Variants in ZNF687 observed in about 807,000 individuals in gnomAD.
ZNF687 encodes zinc finger protein 687.
ZNF687 carries 13 observed loss-of-function variants against 71.8 expected under a neutral mutation model. That is an observed-to-expected ratio of 0.18 (90% CI 0.12 to 0.29). ZNF687 has a LOEUF of 0.29. Ranked by LOEUF, ZNF687 falls within the 10% of genes least tolerant of loss-of-function variation. The probability of loss-of-function intolerance (pLI) is 1.00; values close to 1 mark genes in which losing one functional copy is unlikely to be tolerated. For missense variants in ZNF687, 1,412 were observed against 1,625.6 expected (o/e 0.87, Z 2.26); for synonymous variants, 673 against 641.6 (o/e 1.05, Z -0.74).
intron 3 of ZNF687, 30 bp downstream of exon 3, chr1:151,288,736 T>C (rs1474256828): frequency 1.3e-6 from 2 of 1,587,958 alleles, no homozygotes; most frequent in Non-Finnish European, 8.6e-7. Flanking sequence ...CATAGAACTG[T>C]AGGGTTTCGT....
chr1:151,288,307 C>T lies in ZNF687; in HGVS notation c.2016C>T (p.Cys672=). 1 of 1,613,070 alleles carries T rather than the reference C, an allele frequency of 6.2e-7. No individual in the cohort carries two copies. The highest frequency in any genetic ancestry group is 8.5e-7 in the Non-Finnish European group (1 of 1,179,996). Residue 672 remains cysteine, a synonymous_variant, in exon 2 of 9, where the codon TGC becomes TGT. Coordinates refer to ENST00000336715, the MANE Select transcript of ZNF687 (RefSeq NM_020832.3). ...CCCCGGCCACCTCTGCTTACACATGCTTTCGCTGCCTGGAGTGCAAGGAAC... is the reference window on the plus strand; with the variant it reads ...CCCCGGCCACCTCTGCTTACACATGTTTTCGCTGCCTGGAGTGCAAGGAAC... The part of the protein sequence containing the change: ...PAAPATSAYT[C]FRCLECKEQC...
Position 151,288,726 on chromosome 1 carries a change from C to G in ZNF687, c.2294+20C>G. The stretch of plus-strand genomic sequence containing the variant: ...ATACAGGTGCCTCGGACCCTTCCTC[C>G]ATAGAACTGTAGGGTTTCGTGTGTC... On this transcript the variant is annotated intron_variant, in intron 3 of 8. Coordinates refer to ENST00000336715, the MANE Select transcript of ZNF687 (RefSeq NM_020832.3). 6.3e-7 allele frequency: 1 copy of G among 1,599,830 alleles called. No individual in the cohort carries two copies. The highest frequency in any genetic ancestry group is 1.3e-5 in the African/African-American group (1 of 74,724).
chr1:151,283,208 C>A, intron 1 of ZNF687: 1 of 985,474 alleles, frequency 1.0e-6, no homozygotes, highest in South Asian at 4.7e-5. Flanking sequence ...CCGCGCCAGC[C>A]CTCGGCAGAT....
rs767945198 is a variant in ZNF687 at position 151,287,755 on chromosome 1, A to C, written c.1464A>C (p.Thr488=). The change falls in exon 2 of 9, where the codon ACA becomes ACC. Residue 488 remains threonine, a synonymous_variant. Transcript: ENST00000336715. This position sits in a 1 kb window ranked among gnomAD's most constrained non-coding sequence, Gnocchi z 5.0. ...TATGPSTGGG[T]VISRTQSSLV... ...CTGGGCCAAGTACAGGGGGCGGCAC[A>C]GTGATATCACGGACCCAGTCCAGCC... 6.2e-6 allele frequency: 10 copies of C among 1,614,018 alleles called. No homozygotes were observed. In the African/African-American group the frequency reaches 1.2e-4, roughly 19 times the overall value.
chr1:151,291,169 C>T lies in ZNF687; in HGVS notation c.3674C>T (p.Ala1225Val), dbSNP rs1557776351. The change falls in exon 9 of 9, where the codon GCG becomes GTG. Residue 1225 changes from alanine to valine, a missense_variant. Physicochemically the swap from Ala to Val is moderately conservative, Grantham distance 64. Coordinates refer to ENST00000336715, the MANE Select transcript of ZNF687 (RefSeq NM_020832.3). ...ACCCACTTCCGCACGCATGGCATGG[C>T]GTTCATCAGGGCTCGGCAGGGGGCT... Reference protein sequence around the residue: ...LKTHFRTHGMAFIRARQGAVG... With the variant: ...LKTHFRTHGMVFIRARQGAVG... The T allele has an allele frequency of 1.9e-6, 3 of 1,612,832 alleles. No homozygotes were observed. The highest frequency in any genetic ancestry group is 2.5e-6 in the Non-Finnish European group (3 of 1,179,874).
In ZNF687 at chr1:151,290,569, C is replaced by G. The variant is rs139287742; in HGVS notation, c.3215C>G (p.Ala1072Gly). The change falls in exon 8 of 9, where the codon GCC becomes GGC. Residue 1072 changes from alanine (A) to glycine (G), a missense_variant. By Grantham distance (60) the Ala-to-Gly change is moderately conservative. Transcript: ENST00000336715. ...TTLARGSSAR[A>G]QGPGRKRRQS... ...TTGGCTCGGGGTTCCAGTGCCAGAG[C>G]CCAGGTAGGCAGAGGCCCGGCCTGC... The G allele has an allele frequency of 4.3e-6, 7 of 1,612,682 alleles. No homozygotes were observed. In the African/African-American group the frequency reaches 8.0e-5, roughly 18 times the overall value.
In ZNF687 at chr1:151,291,099, T is replaced by C; in HGVS notation, c.3604T>C (p.Cys1202Arg). The C allele has an allele frequency of 6.2e-7, 1 of 1,613,584 alleles. No individual in the cohort carries two copies. The highest frequency in any genetic ancestry group is 8.5e-7 in the Non-Finnish European group (1 of 1,180,002). The change falls in exon 9 of 9, where the codon TGT (cysteine) becomes CGT (arginine). Residue 1202 changes from cysteine to arginine, a missense_variant. Physicochemically the swap from Cys to Arg is radical, Grantham distance 180 (BLOSUM62 -3). Around this residue, in one of 8 missense-constraint regions of ZNF687, gnomAD observed 284 missense variants for 359.2 expected, o/e 0.79. Transcript: ENST00000336715. ...PLPASGGPLT[C>R]KVCGKSCDSP... ...GCCTGCTTCTGGAGGCCCACTGACC[T>C]GTAAGGTCTGTGGCAAGAGCTGCGA... is the stretch of plus-strand genomic sequence containing the variant.
chr1:151,287,953 T>C lies in ZNF687; in HGVS notation c.1662T>C (p.Arg554=). The change falls in exon 2 of 9, where the codon CGT becomes CGC. Residue 554 remains arginine (R), a synonymous_variant. Coordinates refer to ENST00000336715, the MANE Select transcript of ZNF687 (RefSeq NM_020832.3). This position sits in a 1 kb window ranked among gnomAD's most constrained non-coding sequence, Gnocchi z 5.0. ...AGAGCCTGGCACGGCACTATGACCGTCGGAGCATGCGCATCGAGGTCACCT... is the reference window on the plus strand; with the variant it reads ...AGAGCCTGGCACGGCACTATGACCGCCGGAGCATGCGCATCGAGGTCACCT... ...LEKSLARHYD[R]RSMRIEVTCN... 6.2e-7 allele frequency: 1 copy of C among 1,613,682 alleles called. No individual in the cohort carries two copies. The highest frequency in any genetic ancestry group is 1.7e-5 in the Admixed American group (1 of 60,004).
At position 151,287,261 on chromosome 1, in the gene ZNF687, T is replaced by A; in HGVS notation, c.970T>A (p.Ser324Thr). Reference sequence around the variant, plus strand: ...CAGCAATGACTCCCCTGCCTCCAGCTCCTCTAGGCCTCTTAAGGTGCGGAT... The same window carrying A: ...CAGCAATGACTCCCCTGCCTCCAGCACCTCTAGGCCTCTTAAGGTGCGGAT... The part of the protein sequence containing the change: ...EDSNDSPASS[S>T]SRPLKVRIKT... The change falls in exon 2 of 9, where the codon TCC (serine) becomes ACC (threonine). Residue 324 changes from serine to threonine, a missense_variant. Around this residue, in one of 8 missense-constraint regions of ZNF687, gnomAD observed 490 missense variants for 489.9 expected, o/e 1.00. Transcript: ENST00000336715. The surrounding 1 kb of genome is among the most constrained non-coding windows in gnomAD (Gnocchi z 5.0). The A allele has an allele frequency of 6.2e-7, 1 of 1,614,122 alleles. No homozygotes were observed. The highest frequency in any genetic ancestry group is 1.3e-5 in the African/African-American group (1 of 74,998).
In ZNF687 at chr1:151,288,658, C is replaced by T. The variant is rs1694059802; in HGVS notation, c.2246C>T (p.Thr749Ile). Residue 749 changes from threonine (T) to isoleucine (I), a missense_variant, in exon 3 of 9, where the codon ACC becomes ATC. Physicochemically the swap from Thr to Ile is moderately conservative, Grantham distance 89. This residue lies in a region of ZNF687 where 207 missense variants were observed against 239.2 expected (regional missense o/e 0.87). Coordinates refer to ENST00000336715, the MANE Select transcript of ZNF687 (RefSeq NM_020832.3). ...GGNFLQANFQ[T>I]HLREACLHVS... ...AACTTCCTGCAAGCCAATTTTCAGA[C>T]CCATCTCCGGGAGGCCTGTCTGCAC... is the stretch of plus-strand genomic sequence containing the variant. The T allele has an allele frequency of 6.2e-7, 1 of 1,614,120 alleles. No homozygotes were observed. Among genetic ancestry groups the T allele is most frequent in the Non-Finnish European group, 8.5e-7 (1 of 1,179,980 alleles).
chr1:151,283,455 G>C, intron 1 of ZNF687: 2 of 356,848 alleles, frequency 5.6e-6, no homozygotes, highest in Non-Finnish European at 7.8e-6. Flanking sequence ...TCGCAGGAAG[G>C]CCTGATCCTC....
chr1:151,287,412 C>T lies in ZNF687; in HGVS notation c.1121C>T (p.Ser374Phe). The T allele has an allele frequency of 6.2e-7, 1 of 1,614,176 alleles. No homozygotes were observed. The highest frequency in any genetic ancestry group is 8.5e-7 in the Non-Finnish European group (1 of 1,180,042). ...GCTGAGGCTAGCCTCTTGAAGCTGT[C>T]CCCTGCAACACCTACTTCTGAGGGT... ...FLAEASLLKL[S>F]PATPTSEGPK... Residue 374 changes from serine to phenylalanine, a missense_variant, in exon 2 of 9, where the codon TCC (serine) becomes TTC (phenylalanine). Around this residue, in one of 8 missense-constraint regions of ZNF687, gnomAD observed 490 missense variants for 489.9 expected, o/e 1.00. Transcript: ENST00000336715. The surrounding 1 kb of genome is among the most constrained non-coding windows in gnomAD (Gnocchi z 5.0).
chr1:151,282,186 G>T (rs1280073234), upstream of ZNF687: 32 of 1,097,138 alleles, frequency 2.9e-5, no homozygotes, highest in East Asian at 7.6e-5. Context: ...GGCTGGAAGG[G>T]GCACAGGGCT....
Position 151,291,114 on chromosome 1 carries a change from A to G in ZNF687, c.3619A>G (p.Lys1207Glu), listed in dbSNP as rs1193908653. 1.2e-6 allele frequency: 2 copies of G among 1,613,268 alleles called. No individual in the cohort carries two copies. The highest frequency in any genetic ancestry group is 1.7e-6 in the Non-Finnish European group (2 of 1,180,008). Residue 1207 changes from lysine (K) to glutamate (E), a missense_variant, in exon 9 of 9, where the codon AAG becomes GAG. Physicochemically the swap from Lys to Glu is moderately conservative, Grantham distance 56. Coordinates refer to ENST00000336715, the MANE Select transcript of ZNF687 (RefSeq NM_020832.3). ...CCCACTGACCTGTAAGGTCTGTGGC[A>G]AGAGCTGCGACAGCCCTCTAAACCT... Reference protein sequence around the residue: ...GGPLTCKVCGKSCDSPLNLKT... With the variant: ...GGPLTCKVCGESCDSPLNLKT...
chr1:151,283,076 G>T (rs587690194), intron 1 of ZNF687: 1 of 963,498 alleles, frequency 1.0e-6, no homozygotes, highest in African/African-American at 1.7e-5. Context: ...GCCTGGCCTG[G>T]CTGAGGCCCG....
chr1:151,282,866 G>A (rs867614926), intron 1 of ZNF687, among the ~76,000 whole-genome samples: 35 of 152,162 alleles, frequency 2.3e-4, no homozygotes, highest in African/African-American at 8.2e-4. Context: ...CCAGTCTCTA[G>A]CGAGCCTCCG....
chr1:151,283,075 GGC>G (rs1464219129), intron 1 of ZNF687: 10,497 of 984,166 alleles, frequency 0.011, 80 homozygotes, highest in Non-Finnish European at 0.012. Context: ...GGCCTGGCCT[GGC>G]TGAGGCCCGG....
Position 151,287,314 on chromosome 1 carries a change from T to C in ZNF687, c.1023T>C (p.Asn341=), listed in dbSNP as rs1211294516. 6.2e-7 allele frequency: 1 copy of C among 1,614,178 alleles called. No homozygotes were observed. The highest frequency in any genetic ancestry group is 8.5e-7 in the Non-Finnish European group (1 of 1,180,012). The change falls in exon 2 of 9, where the codon AAT becomes AAC. Residue 341 remains asparagine (N), a synonymous_variant. Transcript: ENST00000336715. This position sits in a 1 kb window ranked among gnomAD's most constrained non-coding sequence, Gnocchi z 5.0. ...RIKTIKTSCG[N]ITRTVTQVPS... ...AGACCATTAAAACATCCTGCGGGAA[T>C]ATCACAAGGACTGTAACTCAGGTCC...
chr1:151,287,815 G>C lies in ZNF687; in HGVS notation c.1524G>C (p.Lys508Asn), dbSNP rs1438936575. The C allele has an allele frequency of 5.5e-5, 89 of 1,613,948 alleles. No homozygotes were observed. Among genetic ancestry groups the C allele is most frequent in the Non-Finnish European group, 7.4e-5 (87 of 1,180,034 alleles). ...VEAFNKILNS[K>N]NLLPAYRPNL... Reference sequence around the variant, plus strand: ...CCTTCAACAAGATCCTCAACAGCAAGAACCTGCTCCCTGCCTATAGGCCAA... The same window carrying C: ...CCTTCAACAAGATCCTCAACAGCAACAACCTGCTCCCTGCCTATAGGCCAA... The change falls in exon 2 of 9, where the codon AAG (lysine) becomes AAC (asparagine). Residue 508 changes from lysine to asparagine, a missense_variant. Lys to Asn is a moderately conservative substitution (Grantham distance 94). This residue lies in a region of ZNF687 where 133 missense variants were observed against 155.1 expected (regional missense o/e 0.86). Coordinates refer to ENST00000336715, the MANE Select transcript of ZNF687 (RefSeq NM_020832.3). This position sits in a 1 kb window ranked among gnomAD's most constrained non-coding sequence, Gnocchi z 5.0.
Sources: gnomAD v4.1 joint callset for allele counts (sites outside exome capture counted in the v4.1 genomes callset) on GRCh38, gnomAD v4.1.1 for gene constraint, gnomAD v4.1.1 regional missense constraint, Gnocchi (gnomAD v3.1) non-coding constraint, MANE v1.5 for transcripts, NCBI Gene and HGNC (gene_info 2026-07-23, HGNC 2026-07-21) for gene names.